Variants in EPB41L1 observed in about 807,000 individuals in gnomAD.
The protein encoded by EPB41L1 is erythrocyte membrane protein band 4.1 like 1, also known as band 4.1-like protein 1.
In EPB41L1, 29 loss-of-function variants were observed where a neutral mutation model predicts 97.8. The observed-to-expected ratio is 0.30, with a 90% CI of 0.22 to 0.40. EPB41L1 has a LOEUF of 0.40. EPB41L1 is among the 10% of genes least tolerant of loss of function. The probability of loss-of-function intolerance (pLI) is 1.00; values close to 1 mark genes in which losing one functional copy is unlikely to be tolerated. For missense variants in EPB41L1, 812 were observed against 1,162.3 expected, an observed-to-expected ratio of 0.70 and a Z score of 4.38; for synonymous variants, 383 against 459.2, an observed-to-expected ratio of 0.83 and a Z score of 2.12.
intron 2 of EPB41L1, among the ~76,000 whole-genome samples, chr20:36,140,985 A>G (rs766649619): frequency 1.3e-5 from 2 of 152,220 alleles, no homozygotes; most frequent in Non-Finnish European, 2.9e-5. Flanking sequence ...GCTGATGAGT[A>G]GATGTAGGGC....
chr20:36,145,739 TA>T (rs1457115388), intron 2 of EPB41L1, among the ~76,000 whole-genome samples: 1 of 152,256 alleles, frequency 6.6e-6, no homozygotes, highest in Non-Finnish European at 1.5e-5. Flanking sequence ...TGGTAACCAC[TA>T]ACCACATGTG....
chr20:36,101,300 C>A (rs546738162), intron 1 of EPB41L1, among the ~76,000 whole-genome samples: 2 of 152,192 alleles, frequency 1.3e-5, no homozygotes, highest in African/African-American at 2.4e-5. Flanking sequence ...GAATAGGAAA[C>A]CTGCTCTCAC....
chr20:36,202,054 C>T (rs763673877), intron 14 of EPB41L1, among the ~76,000 whole-genome samples: 4 of 152,248 alleles, frequency 2.6e-5, no homozygotes, highest in South Asian at 4.1e-4. Context: ...CAAAACTATC[C>T]GCACACTCTC....
chr20:36,095,323 G>T (rs1021466231), intron 1 of EPB41L1, among the ~76,000 whole-genome samples: 1 of 152,042 alleles, frequency 6.6e-6, no homozygotes, highest in Non-Finnish European at 1.5e-5. Context: ...GGTCAGGCTG[G>T]TCTCAAACTC....
intron 21 of EPB41L1, among the ~76,000 whole-genome samples, chr20:36,225,929 C>T (rs1206414097): frequency 6.6e-6 from 1 of 152,178 alleles, no homozygotes; most frequent in East Asian, 1.9e-4. Context: ...TTAGTTCTTT[C>T]TTTGCTGCCA....
chr20:36,160,948 G>A (rs1183640865), intron 1 of EPB41L1, among the ~76,000 whole-genome samples: 3 of 152,138 alleles, frequency 2.0e-5, no homozygotes, highest in African/African-American at 7.2e-5. Context: ...CCAATTTTAC[G>A]GTATTCTAAG....
intron 2 of EPB41L1, among the ~76,000 whole-genome samples, chr20:36,127,405 C>T (rs1040938021): frequency 2.6e-5 from 4 of 152,140 alleles, no homozygotes; most frequent in African/African-American, 9.7e-5. Context: ...CTCTCTTCTG[C>T]CTACACCTTC....
intron 17 of EPB41L1, among the ~76,000 whole-genome samples, chr20:36,216,887 G>T (rs746442875): frequency 6.6e-6 from 1 of 152,158 alleles, no homozygotes; most frequent in Non-Finnish European, 1.5e-5. Flanking sequence ...GTCGTTGGTA[G>T]GATGTTCAGG....
intron 2 of EPB41L1, among the ~76,000 whole-genome samples, chr20:36,141,981 C>T (rs543836056): frequency 6.6e-6 from 1 of 150,742 alleles, no homozygotes. Context: ...GGTGGCGGGG[C>T]ACCTGTAATC....
At chr20:36,105,324 G>A (rs2058154538) in intron 1 of EPB41L1, among the ~76,000 whole-genome samples, 1 of 152,140 alleles carries the variant, frequency 6.6e-6, no homozygotes, top group African/African-American at 2.4e-5. Flanking sequence ...AGGGCTGGAG[G>A]ACTTCAGAGC....
intron 2 of EPB41L1, among the ~76,000 whole-genome samples, chr20:36,137,775 C>T (rs370878811): frequency 6.6e-6 from 1 of 152,184 alleles, no homozygotes; most frequent in Non-Finnish European, 1.5e-5. Flanking sequence ...CTGCCCGCCT[C>T]GGCCTCCCAA....
At chr20:36,143,961 T>C (rs1722080029) in intron 2 of EPB41L1, among the ~76,000 whole-genome samples, 1 of 152,156 alleles carries the variant, frequency 6.6e-6, no homozygotes, top group African/African-American at 2.4e-5. Flanking sequence ...CAAGTGATTC[T>C]CCTGCCTCAG....
chr20:36,204,243 C>T (rs565662764), intron 14 of EPB41L1, among the ~76,000 whole-genome samples: 9 of 152,198 alleles, frequency 5.9e-5, no homozygotes, highest in East Asian at 5.8e-4. Context: ...GCATTAAGGC[C>T]GCCCACACCC....
At chr20:36,160,139 C>T (rs772597023) in intron 1 of EPB41L1, among the ~76,000 whole-genome samples, 2 of 152,102 alleles carry the variant, frequency 1.3e-5, no homozygotes, top group Non-Finnish European at 2.9e-5. Flanking sequence ...TAGGTATGAA[C>T]ATAGATACAG....
At position 36,207,770 on chromosome 20, in the gene EPB41L1, C is replaced by G. The variant is rs1408674587; in HGVS notation, c.1669-1718C>G. The G allele has an allele frequency of 5.4e-6, 7 of 1,289,316 alleles. No homozygotes were observed. In the South Asian group the frequency reaches 7.4e-5, roughly 14 times the overall value. The allele number at this position is 1,289,316 out of a possible 1,614,324, so 79.9% of individuals were successfully genotyped here. On this transcript the variant is annotated intron_variant, in intron 14 of 21. Coordinates refer to ENST00000338074, the MANE Select transcript of EPB41L1 (RefSeq NM_012156.2). This position sits in a 1 kb window ranked among gnomAD's most constrained non-coding sequence, Gnocchi z 4.9. ...TGTGAAACCACGCTGGCAGAAGCTA[C>G]TGGAACTGGGGTAACTGGCCGCGTG...
At chr20:36,225,229 T>A (rs1477722513) in intron 21 of EPB41L1, among the ~76,000 whole-genome samples, 1 of 152,260 alleles carries the variant, frequency 6.6e-6, no homozygotes, top group Non-Finnish European at 1.5e-5. Flanking sequence ...CCTCCCAGGC[T>A]TCCTCAGACC....
In EPB41L1 at chr20:36,209,866, G is replaced by T. The variant is rs752379635; in HGVS notation, c.2047G>T (p.Ala683Ser). Residue 683 changes from alanine to serine, a missense_variant, in exon 15 of 22, where the codon GCC becomes TCC. Transcript: ENST00000338074. This position sits in a 1 kb window ranked among gnomAD's most constrained non-coding sequence, Gnocchi z 4.2. ...CATTGAGGACAGCCCGGATCGAGGG[G>T]CCTGCTCCACCCCGGATATGCCCCA... Reference protein sequence around the residue: ...GGIEDSPDRGACSTPDMPQFE... With the variant: ...GGIEDSPDRGSCSTPDMPQFE... 2 of 1,613,502 alleles carry T rather than the reference G, an allele frequency of 1.2e-6. No individual in the cohort carries two copies. Among genetic ancestry groups the T allele is most frequent in the Non-Finnish European group, 1.7e-6 (2 of 1,180,002 alleles).
intron 2 of EPB41L1, chr20:36,125,578 AACC>A (rs2147709984): frequency 2.0e-6 from 3 of 1,532,960 alleles, no homozygotes; most frequent in Non-Finnish European, 2.6e-6. Flanking sequence ...AGGTAGATTG[AACC>A]ACAAGTGCAC....
intron 1 of EPB41L1, chr20:36,112,403 C>G (rs1432198087): frequency 2.0e-5 from 3 of 152,328 alleles, no homozygotes; most frequent in Non-Finnish European, 2.9e-5. Context: ...TTCTGAGGAG[C>G]TAACGCTGTT....
Sources: gnomAD v4.1 joint callset for allele counts (sites outside exome capture counted in the v4.1 genomes callset) on GRCh38, gnomAD v4.1.1 for gene constraint, Gnocchi (gnomAD v3.1) non-coding constraint, MANE v1.5 for transcripts, NCBI Gene and HGNC (gene_info 2026-07-23, HGNC 2026-07-21) for gene names.